The following PPP2R3C variants were observed in gnomAD, a reference collection of about 807,000 sequenced individuals.
PPP2R3C encodes the protein protein phosphatase 2 regulatory subunit B''gamma.
In PPP2R3C, 47 loss-of-function variants were observed where a neutral mutation model predicts 63.7. That is an observed-to-expected ratio of 0.74 (90% CI 0.58 to 0.94). The LOEUF is 0.94. Ranked by LOEUF, PPP2R3C falls within the 40% of genes least tolerant of loss-of-function variation. The probability of loss-of-function intolerance (pLI) is 0.00; values close to 1 mark genes in which losing one functional copy is unlikely to be tolerated. For synonymous variants in PPP2R3C, 180 were observed against 177.4 expected, an observed-to-expected ratio of 1.01 and a Z score of -0.12; for missense variants, 421 against 518.4, an observed-to-expected ratio of 0.81 and a Z score of 1.82.
At chr14:35,122,100 G>A (rs1282734065), upstream of PPP2R3C, 3 of 786,524 alleles carry the variant, frequency 3.8e-6, no homozygotes, top group African/African-American at 3.5e-5. Context: ...CGGAAGTCTT[G>A]GCTAAAGAGG....
chr14:35,092,641 T>A (rs1010278276), intron 10 of PPP2R3C, among the ~76,000 whole-genome samples: 3 of 151,928 alleles, frequency 2.0e-5, no homozygotes, highest in African/African-American at 7.3e-5. Flanking sequence ...TAATTTTGTA[T>A]TTTTAGTAGA....
At chr14:35,093,261 ATTT>A (rs893289442) in intron 10 of PPP2R3C, among the ~76,000 whole-genome samples, 1 of 149,272 alleles carries the variant, frequency 6.7e-6, no homozygotes, top group Non-Finnish European at 1.5e-5. Context: ...GGATACTCAG[ATTT>A]TTTTTTTAAT....
chr14:35,100,377 C>G (rs1595096550), intron 6 of PPP2R3C: 2 of 152,066 alleles, frequency 1.3e-5, no homozygotes, highest in South Asian at 2.1e-4. Flanking sequence ...TTTGATAGAC[C>G]CTGGGAAACT....
intron 7 of PPP2R3C, among the ~76,000 whole-genome samples, chr14:35,097,584 G>T (rs2046039760): frequency 6.6e-6 from 1 of 151,186 alleles, no homozygotes; most frequent in South Asian, 2.1e-4. Flanking sequence ...CTGGGTTCAA[G>T]CGATTCTCCT....
chr14:35,085,653 G>T lies in PPP2R3C; in HGVS notation c.1299C>A (p.Tyr433Ter), dbSNP rs867747450. 1.2e-6 allele frequency: 2 copies of T among 1,613,542 alleles called. No individual in the cohort carries two copies. Among genetic ancestry groups the T allele is most frequent in the Non-Finnish European group, 1.7e-6 (2 of 1,179,796 alleles). The part of the protein sequence containing the change: ...ILIDLNGFWT[Y>*]ENREALVAND... ...TTGCAACAAGAGCCTCTCTGTTCTC[G>T]TAAGTCCAGAAGCCATTCAAATCGA... The change falls in exon 13 of 13, where the codon TAC (tyrosine) becomes TAA (stop). Residue 433 changes from tyrosine (Y) to a stop codon, truncating the protein, a stop_gained. Coordinates refer to ENST00000261475, the MANE Select transcript of PPP2R3C (RefSeq NM_017917.4). LOFTEE classifies it high-confidence loss of function.
intron 1 of PPP2R3C, among the ~76,000 whole-genome samples, chr14:35,118,653 CT>C (rs150866333): frequency 0.014 from 1,761 of 125,798 alleles, 39 homozygotes; most frequent in African/African-American, 0.045. Context: ...AGGTACCTTC[CT>C]TTTTTTTTTT....
chr14:35,109,219 G>A (rs1375655999), intron 4 of PPP2R3C, among the ~76,000 whole-genome samples: 1 of 151,946 alleles, frequency 6.6e-6, no homozygotes, highest in African/African-American at 2.4e-5. Flanking sequence ...ACCACGCCCA[G>A]CTAATTTTTG....
intron 5 of PPP2R3C, 22 bp downstream of exon 5, chr14:35,108,117 A>ACCTT: frequency 6.2e-7 from 1 of 1,603,960 alleles, no homozygotes; most frequent in Non-Finnish European, 8.5e-7. Context: ...TAAGGAGTTC[A>ACCTT]AGCACAGTAA....
intron 1 of PPP2R3C, among the ~76,000 whole-genome samples, chr14:35,119,796 G>A (rs894345896): frequency 3.3e-5 from 5 of 151,200 alleles, no homozygotes; most frequent in Admixed American, 2.0e-4. Flanking sequence ...GGAAAAGAAT[G>A]CAATCTAGTG....
chr14:35,102,784 G>A (rs1452978058), intron 6 of PPP2R3C: 1 of 152,148 alleles, frequency 6.6e-6, no homozygotes, highest in East Asian at 1.9e-4. Context: ...ATTTAGAGAT[G>A]GAGCCTTGCT....
intron 4 of PPP2R3C, among the ~76,000 whole-genome samples, chr14:35,108,686 C>G (rs1336322476): frequency 6.6e-6 from 1 of 152,018 alleles, no homozygotes. Context: ...AGGAGAATCA[C>G]TTGAACCCAG....
chr14:35,091,746 A>G (rs2045825221), intron 10 of PPP2R3C, among the ~76,000 whole-genome samples: 1 of 150,724 alleles, frequency 6.6e-6, no homozygotes, highest in Non-Finnish European at 1.5e-5. Context: ...TTTGAGACGG[A>G]GTCTTGCTCT....
At chr14:35,106,586 GC>G (rs1304330203) in intron 6 of PPP2R3C, 1 of 150,976 alleles carries the variant, frequency 6.6e-6, no homozygotes, top group Non-Finnish European at 1.5e-5. Flanking sequence ...CAGGTGACCC[GC>G]CCACGTCAGC....
At chr14:35,090,603 T>C (rs1202464377) in intron 11 of PPP2R3C, among the ~76,000 whole-genome samples, 1 of 152,218 alleles carries the variant, frequency 6.6e-6, no homozygotes, top group African/African-American at 2.4e-5. Flanking sequence ...TGCTCTTCTT[T>C]TTCTAATTTC....
rs777093085 is a variant in PPP2R3C, at chr14:35,095,099, A to T, written c.924T>A (p.Asn308Lys). ...CCTGGAAAACACGGTCTAAGAAGAC[A>T]TTGGTCATGGTAGCTGTTCCATAGC... ...LSRYGTATMT[N>K]VFLDRVFQEC... Residue 308 changes from asparagine (N) to lysine (K), a missense_variant, in exon 10 of 13, where the codon AAT becomes AAA. Physicochemically the swap from Asn to Lys is moderately conservative, Grantham distance 94 (BLOSUM62 0). This residue lies in a region of PPP2R3C where 231 missense variants were observed against 264.8 expected (regional missense o/e 0.87). Coordinates refer to ENST00000261475, the MANE Select transcript of PPP2R3C (RefSeq NM_017917.4). 2 of 1,608,430 alleles carry T rather than the reference A, an allele frequency of 1.2e-6. No homozygotes were observed. The highest frequency in any genetic ancestry group is 4.5e-5 in the East Asian group (2 of 44,866).
chr14:35,118,687 A>T lies in PPP2R3C; in HGVS notation c.59-1950T>A, dbSNP rs200519043. ...TTTTTTTTTTCCGAGACTGAGTCTC[A>T]CTGTCACCCAGGCTGGAGGGCAGTG... On this transcript the variant is annotated intron_variant, in intron 1 of 12. Coordinates refer to ENST00000261475, the MANE Select transcript of PPP2R3C (RefSeq NM_017917.4). 2.8e-5 allele frequency among the ~76,000 whole-genome samples: 4 copies of T among 143,386 alleles called. 1 individual carries two copies. The highest frequency in any genetic ancestry group is 2.6e-5 in the African/African-American group (1 of 38,118). 94.1% of individuals were successfully genotyped at this position (143,386 alleles called of 152,430 possible). A position where few individuals can be genotyped will look rare whatever the true frequency, so the allele number is the denominator to read the frequency against.
chr14:35,107,717 T>C (rs2046408457), intron 5 of PPP2R3C: 5 of 355,242 alleles, frequency 1.4e-5, no homozygotes, highest in African/African-American at 2.1e-5. Context: ...TTGTATACAA[T>C]AGGCTTTCAC....
intron 2 of PPP2R3C, among the ~76,000 whole-genome samples, chr14:35,115,825 T>C (rs1214808044): frequency 6.6e-6 from 1 of 152,112 alleles, no homozygotes; most frequent in African/African-American, 2.4e-5. Context: ...TTTCACCATG[T>C]TGGTCAGGCT....
chr14:35,116,700 C>T lies in PPP2R3C; in HGVS notation c.96G>A (p.Met32Ile). Reference sequence around the variant, plus strand: ...CGGAGTAATATTTTGTAAATAAATCCATTTCTTCATCTTTTAATTCTTGTT... The same window carrying T: ...CGGAGTAATATTTTGTAAATAAATCTATTTCTTCATCTTTTAATTCTTGTT... ...KSEQELKDEE[M>I]DLFTKYYSEW... is the part of the protein sequence containing the mutation. Residue 32 changes from methionine (M) to isoleucine (I), a missense_variant, in exon 2 of 13, where the codon ATG becomes ATA. Met to Ile is a conservative substitution (Grantham distance 10). Around this residue, in one of 3 missense-constraint regions of PPP2R3C, gnomAD observed 143 missense variants for 151.2 expected, o/e 0.95. Transcript: ENST00000261475. 6.3e-7 allele frequency: 1 copy of T among 1,592,196 alleles called. No homozygotes were observed. Among genetic ancestry groups the T allele is most frequent in the Non-Finnish European group, 8.6e-7 (1 of 1,167,076 alleles).
Sources: gnomAD v4.1 joint callset for allele counts (sites outside exome capture counted in the v4.1 genomes callset) on GRCh38, gnomAD v4.1.1 for gene constraint, gnomAD v4.1.1 regional missense constraint, MANE v1.5 for transcripts, NCBI Gene and HGNC (gene_info 2026-07-23, HGNC 2026-07-21) for gene names.